Variants in PRUNE2 observed in about 807,000 individuals in gnomAD.
PRUNE2 encodes the protein protein prune homolog 2.
In PRUNE2, 164 loss-of-function variants were observed where a neutral mutation model predicts 252.0. The observed-to-expected ratio is 0.65, with a 90% confidence interval of 0.57 to 0.74. The LOEUF is 0.74. Among genes scored for constraint, PRUNE2 ranks in the 30% least tolerant of loss-of-function variants. The pLI, the probability that PRUNE2 is intolerant of heterozygous loss-of-function variation, is 0.00. For missense variants in PRUNE2, 3,495 were observed against 3,711.0 expected (o/e 0.94, Z 1.51); for synonymous variants, 1,292 against 1,350.2 (o/e 0.96, Z 0.94).
chr9:76,837,323 T>G (rs2059053745), intron 4 of PRUNE2, among the ~76,000 whole-genome samples: 1 of 151,858 alleles, frequency 6.6e-6, no homozygotes. Flanking sequence ...GCACCTGCAG[T>G]CCCAACTACT....
chr9:76,711,963 T>C (rs1473430173), intron 7 of PRUNE2, among the ~76,000 whole-genome samples: 2 of 152,202 alleles, frequency 1.3e-5, no homozygotes, highest in Non-Finnish European at 2.9e-5. Flanking sequence ...AAGGGGACAC[T>C]GACGGATGGT....
At position 76,854,195 on chromosome 9, in the gene PRUNE2, C is replaced by A; in HGVS notation, c.50G>T (p.Arg17Leu). The part of the protein sequence containing the change: ...RAKSKLNRSK[R>L]LEKVHVVIGP... Reference sequence around the variant, plus strand: ...AATAACCACATGGACCTTCTCCAAGCGTTTGCTTCGATTCTGAAACAAATT... The same window carrying A: ...AATAACCACATGGACCTTCTCCAAGAGTTTGCTTCGATTCTGAAACAAATT... Residue 17 changes from arginine (R) to leucine (L), a missense_variant, in exon 2 of 19, where the codon CGC (arginine) becomes CTC (leucine). By Grantham distance (102) the Arg-to-Leu change is moderately radical. Coordinates refer to ENST00000376718, the MANE Select transcript of PRUNE2 (RefSeq NM_015225.3). 1 of 1,587,236 alleles carries A rather than the reference C, an allele frequency of 6.3e-7. No homozygotes were observed. Among genetic ancestry groups the A allele is most frequent in the Non-Finnish European group, 8.6e-7 (1 of 1,163,300 alleles).
chr9:76,689,942 G>A (rs1216624752), intron 9 of PRUNE2, among the ~76,000 whole-genome samples: 1 of 152,194 alleles, frequency 6.6e-6, no homozygotes, highest in African/African-American at 2.4e-5. Flanking sequence ...ATCAGAACAA[G>A]ATAGAGCCAA....
intron 9 of PRUNE2, among the ~76,000 whole-genome samples, chr9:76,672,969 C>T (rs1209296030): frequency 6.8e-6 from 1 of 147,100 alleles, no homozygotes; most frequent in Non-Finnish European, 1.5e-5. Flanking sequence ...CCAAAATTGA[C>T]ACCCTAACAT....
At chr9:76,718,754 A>C (rs548909308) in intron 6 of PRUNE2, among the ~76,000 whole-genome samples, 3 of 152,224 alleles carry the variant, frequency 2.0e-5, no homozygotes, top group South Asian at 4.1e-4. Flanking sequence ...TGATGACAGA[A>C]TCTACATGCA....
At chr9:76,732,636 T>G (rs1360618863) in intron 6 of PRUNE2, among the ~76,000 whole-genome samples, 3 of 152,216 alleles carry the variant, frequency 2.0e-5, no homozygotes, top group African/African-American at 4.8e-5. Flanking sequence ...TTGTATAGTT[T>G]GTCTGTGTCT....
intron 6 of PRUNE2, chr9:76,819,394 T>C (rs1342950359): frequency 6.6e-6 from 1 of 152,226 alleles, no homozygotes; most frequent in East Asian, 1.9e-4. Flanking sequence ...CAGGTGATGC[T>C]TCTATGCACC....
At chr9:76,790,260 A>T (rs533512887) in intron 6 of PRUNE2, among the ~76,000 whole-genome samples, 15 of 152,332 alleles carry the variant, frequency 9.8e-5, no homozygotes, top group African/African-American at 3.6e-4. Context: ...TTGTGTCCCA[A>T]CAATTCCCAT....
intron 9 of PRUNE2, among the ~76,000 whole-genome samples, chr9:76,655,906 T>C (rs1165339073): frequency 1.3e-5 from 2 of 152,220 alleles, no homozygotes; most frequent in Non-Finnish European, 2.9e-5. Context: ...TAAATTCCCA[T>C]GGACAGAGGG....
At chr9:76,794,352 C>G (rs932373150) in intron 6 of PRUNE2, among the ~76,000 whole-genome samples, 1 of 152,186 alleles carries the variant, frequency 6.6e-6, no homozygotes, top group Non-Finnish European at 1.5e-5. Context: ...CGCGGTCGCT[C>G]ACGCCTCTAA....
chr9:76,870,685 CAA>C (rs199892073), intron 1 of PRUNE2, among the ~76,000 whole-genome samples: 227 of 82,256 alleles, frequency 2.8e-3, no homozygotes, highest in African/African-American at 7.6e-3. Flanking sequence ...GATTCTGTCT[CAA>C]AAAAAAAAAA....
intron 9 of PRUNE2, among the ~76,000 whole-genome samples, chr9:76,696,333 G>A (rs1042723393): frequency 1.3e-5 from 2 of 152,042 alleles, no homozygotes; most frequent in African/African-American, 2.4e-5. Flanking sequence ...TCTCCAATTC[G>A]GCTAGCTGCA....
chr9:76,703,922 T>G lies in PRUNE2; in HGVS notation c.7691A>C (p.Glu2564Ala). ...TATGCTTTCTCTTTCTTCACAGGTC[T>G]CTGGCTTTGAGTGTGAATTTTCTTC... ...NREENSHSKPETCEERESIAE... is the reference protein window; with the variant it reads ...NREENSHSKPATCEERESIAE... The change falls in exon 9 of 19, where the codon GAG (glutamate) becomes GCG (alanine). Residue 2564 changes from glutamate (E) to alanine (A), a missense_variant. Glu to Ala is a moderately radical substitution (Grantham distance 107). Coordinates refer to ENST00000376718, the MANE Select transcript of PRUNE2 (RefSeq NM_015225.3). 6.2e-7 allele frequency: 1 copy of G among 1,613,936 alleles called. No individual in the cohort carries two copies. Among genetic ancestry groups the G allele is most frequent in the Non-Finnish European group, 8.5e-7 (1 of 1,179,868 alleles).
chr9:76,707,322 G>A lies in PRUNE2; in HGVS notation c.4952C>T (p.Thr1651Ile). The A allele has an allele frequency of 6.2e-7, 1 of 1,613,852 alleles. No individual in the cohort carries two copies. The highest frequency in any genetic ancestry group is 8.5e-7 in the Non-Finnish European group (1 of 1,179,822). ...AGCAATTAGATTGCTTTCCTGATGT[G>A]TCCCTGAATGTTCAGAATATTTGCC... ...ETGKYSEHSG[T>I]HQESNLIASY... Residue 1651 changes from threonine to isoleucine, a missense_variant, in exon 8 of 19, where the codon ACA becomes ATA. Physicochemically the swap from Thr to Ile is moderately conservative, Grantham distance 89. Transcript: ENST00000376718.
Position 76,703,342 on chromosome 9 carries a change from T to G in PRUNE2, c.8271A>C (p.Pro2757=). 6.4e-7 allele frequency: 1 copy of G among 1,573,480 alleles called. No homozygotes were observed. Among genetic ancestry groups the G allele is most frequent in the Non-Finnish European group, 8.6e-7 (1 of 1,161,922 alleles). The change falls in exon 9 of 19, where the codon CCA becomes CCC. Residue 2757 remains proline (P), a synonymous_variant. Coordinates refer to ENST00000376718, the MANE Select transcript of PRUNE2 (RefSeq NM_015225.3). ...FLELGTRISR[P]NGLLSEDVGM... ...AAATCTAGCTTTTTGCTTACCCATT[T>G]GGTCTTGATATCCTGGTTCCGAGCT...
chr9:76,804,733 T>C (rs1017785017), intron 6 of PRUNE2, among the ~76,000 whole-genome samples: 1 of 152,210 alleles, frequency 6.6e-6, no homozygotes, highest in African/African-American at 2.4e-5. Flanking sequence ...TGCTTGTTCC[T>C]ACATTTCCTT....
chr9:76,708,269 G>C lies in PRUNE2; in HGVS notation c.4005C>G (p.Asp1335Glu). ...CCTCCTCTTCATCAAGGTGCCCCCT[G>C]TCAGTGGCTCCCTGGGCTTCCTTCT... The part of the protein sequence containing the change: ...ESEKEAQGAT[D>E]RGHLDEEEVI... The change falls in exon 8 of 19, where the codon GAC (aspartate) becomes GAG (glutamate). Residue 1335 changes from aspartate (D) to glutamate (E), a missense_variant. Transcript: ENST00000376718. 2 of 1,613,804 alleles carry C rather than the reference G, an allele frequency of 1.2e-6. No homozygotes were observed. Among genetic ancestry groups the C allele is most frequent in the Non-Finnish European group, 1.7e-6 (2 of 1,179,870 alleles).
At chr9:76,722,948 A>G (rs2047770787) in intron 6 of PRUNE2, among the ~76,000 whole-genome samples, 1 of 152,164 alleles carries the variant, frequency 6.6e-6, no homozygotes, top group Admixed American at 6.5e-5. Context: ...TAACTACTCC[A>G]TTTATTTCAA....
At chr9:76,776,204 G>A (rs1343407) in intron 6 of PRUNE2, among the ~76,000 whole-genome samples, 36,095 of 152,078 alleles carry the variant, frequency 0.24, 4,481 homozygotes, top group East Asian at 0.4. Context: ...TTGAGTAGTG[G>A]TGAAGTCTGA....
Sources: allele counts gnomAD v4.1 joint callset (sites outside exome capture counted in the v4.1 genomes callset), GRCh38; gene constraint gnomAD v4.1.1; transcripts MANE v1.5; gene names NCBI Gene and HGNC (gene_info 2026-07-23, HGNC 2026-07-21).